BICRAL: variants seen among roughly 807,000 people sequenced by gnomAD.
BICRAL encodes the protein BICRA like chromatin remodeling complex associated protein.
In BICRAL, 8 loss-of-function variants were observed where a neutral mutation model predicts 91.8. That is an observed-to-expected ratio of 0.09 (90% confidence interval 0.05 to 0.16). The LOEUF (loss-of-function observed/expected upper bound fraction) is 0.16. Ranked by LOEUF, BICRAL falls within the 10% of genes least tolerant of loss-of-function variation. The pLI is 1.00. For synonymous variants in BICRAL, 445 were observed against 491.1 expected (o/e 0.91, Z 1.24); for missense variants, 1,038 against 1,310.9 (o/e 0.79, Z 3.21).
chr6:42,830,044 C>T lies in BICRAL; in HGVS notation c.1711C>T (p.Leu571=), dbSNP rs763388560. ...SSGSNFTGDQ[L]TQPNRTPVPV... ...AGGATCAAACTTTACAGGAGATCAG[C>T]TGACCCAGCCAAACAGGACTCCAGT... The change falls in exon 6 of 13, where the codon CTG becomes TTG. Residue 571 remains leucine, a synonymous_variant. Transcript: ENST00000314073. 9.9e-6 allele frequency: 16 copies of T among 1,614,044 alleles called. No homozygotes were observed. The South Asian group carries it at 1.4e-4, about 14-fold the overall frequency.
At chr6:42,771,604 T>A (rs1179481422) in intron 1 of BICRAL, among the ~76,000 whole-genome samples, 9 of 152,170 alleles carry the variant, frequency 5.9e-5, no homozygotes, top group Non-Finnish European at 1.3e-4. Context: ...ACATTTGCAC[T>A]CTCTTGGCTA....
chr6:42,778,370 C>T (rs190713559), upstream of BICRAL, among the ~76,000 whole-genome samples: 353 of 152,322 alleles, frequency 2.3e-3, 1 homozygote, highest in African/African-American at 7.2e-3. Flanking sequence ...CTGATGTTCC[C>T]AGGCAAATTG....
chr6:42,820,465 AT>A (rs1156692927), intron 2 of BICRAL, among the ~76,000 whole-genome samples: 1 of 152,184 alleles, frequency 6.6e-6, no homozygotes, highest in Non-Finnish European at 1.5e-5. Flanking sequence ...GCCATGGTTA[AT>A]ACAATTTTAT....
chr6:42,796,819 G>T (rs907899228), intron 1 of BICRAL, among the ~76,000 whole-genome samples: 1 of 152,052 alleles, frequency 6.6e-6, no homozygotes, highest in African/African-American at 2.4e-5. Flanking sequence ...GGCCAAGGCG[G>T]GTGGATCACC....
chr6:42,807,459 A>G (rs1451007528), intron 1 of BICRAL, among the ~76,000 whole-genome samples: 2 of 152,096 alleles, frequency 1.3e-5, no homozygotes, highest in African/African-American at 4.8e-5. Context: ...TTGGGATTAC[A>G]GGCATGAGCT....
At chr6:42,749,119 C>T (rs535741483) in intron 1 of BICRAL, among the ~76,000 whole-genome samples, 50 of 152,274 alleles carry the variant, frequency 3.3e-4, no homozygotes, top group Admixed American at 1.4e-3. Context: ...GTTTATTTAA[C>T]AACAGTTTAG....
upstream of BICRAL, among the ~76,000 whole-genome samples, chr6:42,778,037 T>C (rs1401408556): frequency 6.6e-6 from 1 of 152,224 alleles, no homozygotes; most frequent in African/African-American, 2.4e-5. Context: ...TGAAGTTTTG[T>C]AATAATCTGG....
intron 6 of BICRAL, among the ~76,000 whole-genome samples, chr6:42,836,941 T>C (rs1419621986): frequency 6.8e-6 from 1 of 148,110 alleles, no homozygotes; most frequent in Admixed American, 6.8e-5. Flanking sequence ...TTCTATGTAA[T>C]ATTTCTTTTC....
chr6:42,827,880 A>C (rs1764348124), intron 5 of BICRAL, among the ~76,000 whole-genome samples: 1 of 152,150 alleles, frequency 6.6e-6, no homozygotes, highest in East Asian at 1.9e-4. Flanking sequence ...TCGAGACCCC[A>C]GATCAAAAAA....
chr6:42,771,174 A>G (rs1349180503), intron 1 of BICRAL, among the ~76,000 whole-genome samples: 2 of 152,196 alleles, frequency 1.3e-5, no homozygotes, highest in Admixed American at 6.5e-5. Flanking sequence ...ACAAATGACG[A>G]TGCTGCAAAT....
chr6:42,801,249 T>TAAA (rs386406867), intron 1 of BICRAL, among the ~76,000 whole-genome samples: 3,275 of 134,430 alleles, frequency 0.024, 85 homozygotes, highest in African/African-American at 0.057. Context: ...AGACTCTGTT[T>TAAA]AAAAAAAAAA....
intron 1 of BICRAL, among the ~76,000 whole-genome samples, chr6:42,771,740 A>G (rs1001899659): frequency 3.3e-5 from 5 of 152,140 alleles, no homozygotes; most frequent in African/African-American, 1.2e-4. Context: ...AATTGCTGTT[A>G]ACTGAAGGGT....
chr6:42,766,744 CAGA>C (rs1762638216), intron 1 of BICRAL, among the ~76,000 whole-genome samples: 1 of 151,762 alleles, frequency 6.6e-6, no homozygotes, highest in Non-Finnish European at 1.5e-5. Flanking sequence ...GAGTCTGAAA[CAGA>C]AGAATTGATT....
intron 10 of BICRAL, among the ~76,000 whole-genome samples, chr6:42,858,834 A>T (rs1421906129): frequency 1.3e-5 from 2 of 152,050 alleles, no homozygotes; most frequent in South Asian, 4.1e-4. Flanking sequence ...AAATAAATAA[A>T]TAAATAATAA....
intron 1 of BICRAL, among the ~76,000 whole-genome samples, chr6:42,767,868 G>A (rs1762656892): frequency 6.6e-6 from 1 of 152,218 alleles, no homozygotes; most frequent in Non-Finnish European, 1.5e-5. Context: ...GAAGAACACA[G>A]GCAGAGCTGG....
intron 5 of BICRAL, among the ~76,000 whole-genome samples, chr6:42,824,367 C>T (rs970362324): frequency 6.6e-5 from 10 of 152,152 alleles, no homozygotes; most frequent in South Asian, 4.1e-4. Context: ...TTTTTTGAGA[C>T]GGAATCTTGC....
At chr6:42,839,626 C>T (rs893298827) in intron 6 of BICRAL, among the ~76,000 whole-genome samples, 1 of 152,082 alleles carries the variant, frequency 6.6e-6, no homozygotes, top group Non-Finnish European at 1.5e-5. Flanking sequence ...TTGAAGCTCA[C>T]CCATCATATC....
chr6:42,859,274 C>T (rs1765480765), intron 10 of BICRAL, among the ~76,000 whole-genome samples: 1 of 151,008 alleles, frequency 6.6e-6, no homozygotes, highest in Non-Finnish European at 1.5e-5. Flanking sequence ...CACCTGTAGT[C>T]CCAGCTACTC....
intron 1 of BICRAL, among the ~76,000 whole-genome samples, chr6:42,796,717 A>T (rs964705730): frequency 6.6e-6 from 1 of 152,120 alleles, no homozygotes; most frequent in Non-Finnish European, 1.5e-5. Context: ...AGGTATAGCC[A>T]GTGGGATTTC....
Sources: allele counts gnomAD v4.1 joint callset (sites outside exome capture counted in the v4.1 genomes callset), GRCh38; gene constraint gnomAD v4.1.1; transcripts MANE v1.5; gene names NCBI Gene and HGNC (gene_info 2026-07-23, HGNC 2026-07-21).